The following PFKM variants were observed in gnomAD, a reference collection of about 807,000 sequenced individuals.
PFKM encodes phosphofructokinase, muscle, also known as ATP-dependent 6-phosphofructokinase, muscle type.
In PFKM, 58 loss-of-function variants were observed where a neutral mutation model predicts 95.5. The ratio of observed to expected loss-of-function variants is 0.61; its 90% CI spans 0.49 to 0.76. The LOEUF (loss-of-function observed/expected upper bound fraction) is 0.76, where lower values mean the gene tolerates loss of function less well. Ranked by LOEUF, PFKM falls within the 30% of genes least tolerant of loss-of-function variation. The pLI, the probability that PFKM is intolerant of heterozygous loss-of-function variation, is 0.00. For synonymous variants in PFKM, 336 were observed against 357.2 expected (o/e 0.94, Z 0.67); for missense variants, 678 against 1,005.4 (o/e 0.67, Z 4.40).
chr12:48,134,206 C>A (rs758489298), intron 6 of PFKM, 26 bp from the exon 7 acceptor site: 3 of 1,609,228 alleles, frequency 1.9e-6, no homozygotes, highest in Non-Finnish European at 2.6e-6. Context: ...GTCACTTGGA[C>A]TGTGTCATAT....
chr12:48,137,853 A>G lies in PFKM; in HGVS notation c.1062+7A>G. 1 of 1,614,116 alleles carries G rather than the reference A, an allele frequency of 6.2e-7. No homozygotes were observed. Among genetic ancestry groups the G allele is most frequent in the Non-Finnish European group, 8.5e-7 (1 of 1,179,974 alleles). On this transcript the variant is annotated splice_region_variant and intron_variant, in intron 11 of 22. Coordinates refer to ENST00000359794, the MANE Select transcript of PFKM (RefSeq NM_000289.6). Reference sequence around the variant, plus strand: ...CATGGAATGTGTCCAGGTGGTAAGTACTGATCCTAAACCCCTTTCTTAACA... The same window carrying G: ...CATGGAATGTGTCCAGGTGGTAAGTGCTGATCCTAAACCCCTTTCTTAACA...
chr12:48,132,625 G>A (rs1440324072), intron 4 of PFKM, among the ~76,000 whole-genome samples: 4 of 152,192 alleles, frequency 2.6e-5, no homozygotes, highest in Non-Finnish European at 5.9e-5. Context: ...GGATGACAAA[G>A]CCTTCAATGA....
Position 48,133,457 on chromosome 12 carries a change from T to G in PFKM, c.570T>G (p.Asp190Glu). 1 of 1,614,164 alleles carries G rather than the reference T, an allele frequency of 6.2e-7. No homozygotes were observed. The highest frequency in any genetic ancestry group is 8.5e-7 in the Non-Finnish European group (1 of 1,180,006). Reference protein sequence around the residue: ...SALHRIMEIVDAITTTAQSHQ... With the variant: ...SALHRIMEIVEAITTTAQSHQ... ...TGCATCGGATCATGGAAATTGTAGA[T>G]GCCATCACTACCACTGCCCAGAGGT... The change falls in exon 6 of 23, where the codon GAT becomes GAG. Residue 190 changes from aspartate (D) to glutamate (E), a missense_variant. Transcript: ENST00000359794.
At chr12:48,139,977 T>C (rs752113474) in intron 13 of PFKM, 65 bp downstream of exon 13, 35 of 1,048,492 alleles carry the variant, frequency 3.3e-5, no homozygotes, top group Non-Finnish European at 4.9e-5. Context: ...TCTTCATAAA[T>C]GCTACCACAG....
upstream of PFKM, among the ~76,000 whole-genome samples, chr12:48,117,993 A>C (rs1265931832): frequency 6.6e-6 from 1 of 152,202 alleles, no homozygotes; most frequent in Non-Finnish European, 1.5e-5. Context: ...TTATTGTCCA[A>C]AGACTTAATA....
At chr12:48,139,441 T>G in intron 12 of PFKM, 92 bp downstream of exon 12, 2 of 936,124 alleles carry the variant, frequency 2.1e-6, no homozygotes, top group South Asian at 2.7e-5. Flanking sequence ...AAACATGAGC[T>G]TCTGCTGCTT....
At chr12:48,139,091 G>A (rs1950356857) in intron 11 of PFKM, among the ~76,000 whole-genome samples, 194 bp from the exon 12 acceptor site, 1 of 152,180 alleles carries the variant, frequency 6.6e-6, no homozygotes, top group Non-Finnish European at 1.5e-5. Flanking sequence ...TTCTTTTGCT[G>A]CTCATTACTT....
In PFKM at chr12:48,145,483, T is replaced by C. The variant is rs892168438; in HGVS notation, c.2199-81T>C. ...TGTCCTAAATCTAACCTCTTCTGTC[T>C]AACTTCTTCCTATAAACCTTTGGTA... On this transcript the variant is annotated intron_variant, in intron 22 of 22. Coordinates refer to ENST00000359794, the MANE Select transcript of PFKM (RefSeq NM_000289.6). This position sits in a 1 kb window ranked among gnomAD's most constrained non-coding sequence, Gnocchi z 4.3. 4.3e-5 allele frequency: 66 copies of C among 1,547,150 alleles called. No homozygotes were observed. The Admixed American group carries it at 1.1e-3, about 26-fold the overall frequency.
At chr12:48,133,225 T>G in intron 5 of PFKM, 90 bp from the exon 6 acceptor site, 1 of 1,334,332 alleles carries the variant, frequency 7.5e-7, no homozygotes, top group Non-Finnish European at 1.1e-6. Flanking sequence ...ACAATTCCTT[T>G]TGGCTAGAGT....
Position 48,137,905 on chromosome 12 carries a change from A to G in PFKM, c.1062+59A>G, listed in dbSNP as rs1396993640. ...TCTCAAGCCCCTGCCTTGGAGCTCAAGGGGCATGAGACTATGTCTAAGGCC... is the reference window on the plus strand; with the variant it reads ...TCTCAAGCCCCTGCCTTGGAGCTCAGGGGGCATGAGACTATGTCTAAGGCC... On this transcript the variant is annotated intron_variant, in intron 11 of 22. Transcript: ENST00000359794. 3.1e-6 allele frequency: 5 copies of G among 1,591,368 alleles called. No homozygotes were observed. The African/African-American group carries it at 5.4e-5, about 17-fold the overall frequency.
exon 3 of PFKM, chr12:48,108,182 G>C (rs770845267): frequency 1.9e-6 from 3 of 1,597,820 alleles, no homozygotes; most frequent in South Asian, 2.2e-5. Context: ...AAGCATACCT[G>C]TTTTCAAAAC....
At position 48,126,651 on chromosome 12, in the gene PFKM, C is replaced by T. The variant is rs373049366; in HGVS notation, c.86-3712C>T. ...GGATTGCATTAAGTTAGAGTTTTTA[C>T]AGGACCATTTACTCAGCTTGGGAAC... On this transcript the variant is annotated intron_variant, in intron 2 of 22. Coordinates refer to ENST00000359794, the MANE Select transcript of PFKM (RefSeq NM_000289.6). Among the ~76,000 whole-genome samples, 29 of 152,318 alleles carry T rather than the reference C, an allele frequency of 1.9e-4. 1 individual carries two copies. In the South Asian group the frequency reaches 5.6e-3, roughly 29 times the overall value.
chr12:48,120,589 C>G (rs1592645096), intron 1 of PFKM, among the ~76,000 whole-genome samples: 1 of 152,216 alleles, frequency 6.6e-6, no homozygotes, highest in Admixed American at 6.5e-5. Context: ...TTATGAGTCT[C>G]TGTCACAATA....
chr12:48,112,040 T>C, intron 3 of PFKM, among the ~76,000 whole-genome samples: 1 of 152,034 alleles, frequency 6.6e-6, no homozygotes, highest in East Asian at 1.9e-4. Flanking sequence ...AACAGTAAGG[T>C]CAAGTCATTT....
rs1946869646 is a variant in PFKM at position 48,108,169 on chromosome 12, G to T, written c.180G>T (p.Val60=). ...ATACTATGGATGATCCAGACACCGTGGGAAGCATACCTGTTTTCAAAACTG... is the reference window on the plus strand; with the variant it reads ...ATACTATGGATGATCCAGACACCGTTGGAAGCATACCTGTTTTCAAAACTG... The change falls in exon 3 of 25, where the codon GTG becomes GTT. Residue 60 remains valine (V), a synonymous_variant. Transcript: ENST00000340802. The T allele has an allele frequency of 6.3e-7, 1 of 1,598,722 alleles. No individual in the cohort carries two copies. The highest frequency in any genetic ancestry group is 1.3e-5 in the African/African-American group (1 of 74,986).
chr12:48,145,624 C>G lies in PFKM; in HGVS notation c.2259C>G (p.Ala753=). The change falls in exon 23 of 23, where the codon GCC becomes GCG. Residue 753 remains alanine (A), a synonymous_variant. Coordinates refer to ENST00000359794, the MANE Select transcript of PFKM (RefSeq NM_000289.6). The surrounding 1 kb of genome is among the most constrained non-coding windows in gnomAD (Gnocchi z 4.3). Reference sequence around the variant, plus strand: ...TGAGGCCCATCCTCAAAATCCTAGCCAAGTACGAGATTGACTTGGACACTT... The same window carrying G: ...TGAGGCCCATCCTCAAAATCCTAGCGAAGTACGAGATTGACTTGGACACTT... ...LKLRPILKIL[A]KYEIDLDTSD... is the part of the protein sequence containing the mutation. The G allele has an allele frequency of 1.9e-6, 3 of 1,614,084 alleles. No homozygotes were observed. The East Asian group carries it at 6.7e-5, about 36-fold the overall frequency.
intron 1 of PFKM, chr12:48,119,876 G>C (rs1326765043): frequency 1.3e-5 from 2 of 152,204 alleles, no homozygotes; most frequent in African/African-American, 4.8e-5. Flanking sequence ...TGTGTCCTGT[G>C]CCTCTATAAC....
upstream of PFKM, chr12:48,118,362 A>T (rs1565851337): frequency 3.2e-6 from 2 of 629,458 alleles, no homozygotes; most frequent in Non-Finnish European, 5.7e-6. Context: ...ATTTTCTCCC[A>T]TTCTGTGGGT....
intron 2 of PFKM, 118 bp downstream of exon 2, chr12:48,122,977 A>G (rs754254391): frequency 2.0e-6 from 2 of 991,278 alleles, no homozygotes; most frequent in South Asian, 1.4e-5. Context: ...GCTTTGCTAA[A>G]AATTTCTGTG....
Sources: gnomAD v4.1 joint callset for allele counts (sites outside exome capture counted in the v4.1 genomes callset) on GRCh38, gnomAD v4.1.1 for gene constraint, Gnocchi (gnomAD v3.1) non-coding constraint, MANE v1.5 for transcripts, NCBI Gene and HGNC (gene_info 2026-07-23, HGNC 2026-07-21) for gene names.